FSTL5: variants seen among roughly 807,000 people sequenced by gnomAD.
FSTL5 encodes the protein follistatin like 5.
In FSTL5, 62 loss-of-function variants were observed where a neutral mutation model predicts 89.1. The ratio of observed to expected loss-of-function variants is 0.70; its 90% CI spans 0.57 to 0.86. The LOEUF (loss-of-function observed/expected upper bound fraction) is 0.86. FSTL5 is among the 40% of genes least tolerant of loss of function. The probability of loss-of-function intolerance (pLI) is 0.00; values close to 1 mark genes in which losing one functional copy is unlikely to be tolerated. For synonymous variants in FSTL5, 383 were observed against 346.2 expected (o/e 1.11, Z -1.18); for missense variants, 1,057 against 1,001.6 (o/e 1.06, Z -0.75).
intron 7 of FSTL5, among the ~76,000 whole-genome samples, chr4:161,610,226 A>G (rs540939760): frequency 5.9e-5 from 9 of 152,224 alleles, no homozygotes; most frequent in African/African-American, 1.9e-4. Flanking sequence ...TTCAGATTAT[A>G]TTTCTACAAT....
At chr4:161,702,331 T>C (rs1350944612) in intron 6 of FSTL5, among the ~76,000 whole-genome samples, 1 of 152,134 alleles carries the variant, frequency 6.6e-6, no homozygotes, top group Non-Finnish European at 1.5e-5. Flanking sequence ...TATTACCAGG[T>C]CAATTTAGTT....
At chr4:161,970,014 G>C (rs1735437372) in intron 3 of FSTL5, among the ~76,000 whole-genome samples, 1 of 151,896 alleles carries the variant, frequency 6.6e-6, no homozygotes, top group African/African-American at 2.4e-5. Flanking sequence ...TTGTGTTCTG[G>C]GCTAAAAAAA....
intron 13 of FSTL5, among the ~76,000 whole-genome samples, chr4:161,465,382 A>G (rs1234688536): frequency 6.6e-6 from 1 of 152,170 alleles, no homozygotes; most frequent in South Asian, 2.1e-4. Flanking sequence ...TATAATTACA[A>G]AAAAGCATTA....
At chr4:161,614,848 A>C (rs1184583064) in intron 7 of FSTL5, among the ~76,000 whole-genome samples, 1 of 152,110 alleles carries the variant, frequency 6.6e-6, no homozygotes, top group African/African-American at 2.4e-5. Flanking sequence ...AATAATTAAC[A>C]ACTTTTTGAA....
intron 4 of FSTL5, among the ~76,000 whole-genome samples, chr4:161,787,774 T>G (rs141812312): frequency 6.6e-6 from 1 of 152,268 alleles, no homozygotes; most frequent in African/African-American, 2.4e-5. Context: ...GTAGCGACAG[T>G]TCATGTAGAG....
chr4:161,640,947 T>C (rs183035981), intron 7 of FSTL5, among the ~76,000 whole-genome samples: 38 of 152,304 alleles, frequency 2.5e-4, no homozygotes, highest in African/African-American at 9.1e-4. Flanking sequence ...TTAGTACAAT[T>C]GTTTGCAGCT....
At chr4:161,503,524 T>A (rs745696213) in intron 11 of FSTL5, among the ~76,000 whole-genome samples, 1 of 151,972 alleles carries the variant, frequency 6.6e-6, no homozygotes, top group Non-Finnish European at 1.5e-5. Context: ...TATAATTATG[T>A]ATGATTTCAA....
chr4:161,802,755 C>G (rs996711370), intron 4 of FSTL5, among the ~76,000 whole-genome samples: 1 of 151,432 alleles, frequency 6.6e-6, no homozygotes, highest in Non-Finnish European at 1.5e-5. Flanking sequence ...ATGTGGATAA[C>G]AAGATTGAAA....
intron 15 of FSTL5, among the ~76,000 whole-genome samples, chr4:161,430,210 A>T (rs1001263619): frequency 6.6e-6 from 1 of 152,092 alleles, no homozygotes; most frequent in African/African-American, 2.4e-5. Flanking sequence ...AAAAGAAAAA[A>T]AAATGAAAAG....
chr4:162,003,092 C>G (rs1019218184), intron 3 of FSTL5, among the ~76,000 whole-genome samples: 1 of 151,882 alleles, frequency 6.6e-6, no homozygotes, highest in Non-Finnish European at 1.5e-5. Context: ...TGCAGTGAGC[C>G]GAGATCGCAC....
chr4:161,705,950 GTGTA>G (rs1413736898), intron 6 of FSTL5, among the ~76,000 whole-genome samples: 27 of 18,616 alleles, frequency 1.5e-3, no homozygotes, highest in South Asian at 3.9e-3. Context: ...GTGTAGATGT[GTGTA>G]TATATATATA....
chr4:162,002,453 T>C (rs1198728018), intron 3 of FSTL5, among the ~76,000 whole-genome samples: 1 of 152,240 alleles, frequency 6.6e-6, no homozygotes, highest in East Asian at 1.9e-4. Context: ...TCTTGTCTTA[T>C]CCTATTATTT....
At chr4:162,155,681 A>G (rs1447677790) in intron 1 of FSTL5, among the ~76,000 whole-genome samples, 1 of 152,228 alleles carries the variant, frequency 6.6e-6, no homozygotes, top group African/African-American at 2.4e-5. Flanking sequence ...AACTATAAGA[A>G]CTTTTGACTG....
At chr4:161,527,452 AAAAC>A (rs1368923645) in intron 10 of FSTL5, among the ~76,000 whole-genome samples, 1 of 152,148 alleles carries the variant, frequency 6.6e-6, no homozygotes, top group Non-Finnish European at 1.5e-5. Flanking sequence ...TTACAAGAAA[AAAAC>A]AAACAACCCC....
At chr4:161,590,035 C>A (rs1733755147) in intron 7 of FSTL5, among the ~76,000 whole-genome samples, 1 of 152,062 alleles carries the variant, frequency 6.6e-6, no homozygotes, top group South Asian at 2.1e-4. Context: ...ATCATTAGCT[C>A]ACCACTAAGA....
intron 3 of FSTL5, among the ~76,000 whole-genome samples, chr4:161,923,258 C>A (rs1734040352): frequency 6.6e-6 from 1 of 151,052 alleles, no homozygotes; most frequent in Admixed American, 6.6e-5. Flanking sequence ...CTGAATTGTT[C>A]TTTGTGCAAA....
intron 1 of FSTL5, among the ~76,000 whole-genome samples, chr4:162,147,357 C>CA (rs1733042454): frequency 6.6e-6 from 1 of 152,018 alleles, no homozygotes; most frequent in Admixed American, 6.6e-5. Context: ...TACTACTTTT[C>CA]AAAAAATGTT....
intron 6 of FSTL5, among the ~76,000 whole-genome samples, chr4:161,750,475 T>C (rs895514831): frequency 2.0e-5 from 3 of 152,188 alleles, no homozygotes; most frequent in African/African-American, 7.2e-5. Context: ...TAAAATGTTA[T>C]TAAAATCAAT....
At chr4:161,874,938 T>TAC (rs147456981) in intron 4 of FSTL5, among the ~76,000 whole-genome samples, 16 of 151,984 alleles carry the variant, frequency 1.1e-4, no homozygotes, top group Admixed American at 2.6e-4. Flanking sequence ...CATACATATA[T>TAC]ACACACACAC....
Sources: gnomAD v4.1 joint callset for allele counts (sites outside exome capture counted in the v4.1 genomes callset) on GRCh38, gnomAD v4.1.1 for gene constraint, MANE v1.5 for transcripts, NCBI Gene and HGNC (gene_info 2026-07-23, HGNC 2026-07-21) for gene names.